Variants in WIPF2 observed in about 807,000 individuals in gnomAD.
The protein encoded by WIPF2 is WAS/WASL-interacting protein family member 2.
In WIPF2, 23 loss-of-function variants were observed where a neutral mutation model predicts 38.8. The observed-to-expected ratio is 0.59, with a 90% confidence interval of 0.43 to 0.84. The LOEUF is 0.84. WIPF2 is among the 40% of genes least tolerant of loss of function. The probability of loss-of-function intolerance (pLI) is 0.00; values close to 1 mark genes in which losing one functional copy is unlikely to be tolerated. For missense variants in WIPF2, 574 were observed against 580.5 expected, an observed-to-expected ratio of 0.99 and a Z score of 0.11; for synonymous variants, 210 against 223.2, an observed-to-expected ratio of 0.94 and a Z score of 0.53.
chr17:40,241,574 T>C (rs565322845), intron 1 of WIPF2, among the ~76,000 whole-genome samples: 1 of 152,138 alleles, frequency 6.6e-6, no homozygotes, highest in Non-Finnish European at 1.5e-5. Context: ...CTAAACCCGC[T>C]CCTGGGATGT....
intron 1 of WIPF2, among the ~76,000 whole-genome samples, chr17:40,256,096 T>TAAAAAAA (rs892748332): frequency 2.1e-5 from 2 of 96,982 alleles, no homozygotes; most frequent in Admixed American, 1.2e-4. Context: ...CCAGGGTCTT[T>TAAAAAAA]AAAAAAAAAA....
At chr17:40,231,301 C>G (rs1291829394) in intron 1 of WIPF2, among the ~76,000 whole-genome samples, 1 of 152,064 alleles carries the variant, frequency 6.6e-6, no homozygotes, top group Non-Finnish European at 1.5e-5. Flanking sequence ...ACACTTGTCT[C>G]CATGTGAAGT....
chr17:40,220,164 G>T (rs1426058884), intron 1 of WIPF2, among the ~76,000 whole-genome samples: 2 of 151,724 alleles, frequency 1.3e-5, no homozygotes, highest in East Asian at 3.9e-4. Flanking sequence ...TGTTTTAAAG[G>T]TGGGGTCTGG....
At chr17:40,227,005 T>G (rs2030520633) in intron 1 of WIPF2, among the ~76,000 whole-genome samples, 1 of 152,132 alleles carries the variant, frequency 6.6e-6, no homozygotes, top group African/African-American at 2.4e-5. Flanking sequence ...CCTCCCAAAG[T>G]GCTGGGATTA....
At chr17:40,276,951 TG>T in intron 6 of WIPF2, 131 bp from the exon 7 acceptor site, 1 of 742,732 alleles carries the variant, frequency 1.3e-6, no homozygotes, top group Admixed American at 2.5e-5. Flanking sequence ...GTGGTTGGTT[TG>T]GTGGGGCAGT....
chr17:40,244,734 A>G (rs1469934028), intron 1 of WIPF2, among the ~76,000 whole-genome samples: 1 of 152,084 alleles, frequency 6.6e-6, no homozygotes, highest in Non-Finnish European at 1.5e-5. Context: ...TGTTCTAGCT[A>G]TCCTGGTCTT....
rs145199047 is a variant in WIPF2 at position 40,267,125 on chromosome 17, C to A, written c.970+1979C>A. On this transcript the variant is annotated intron_variant, in intron 5 of 7. Coordinates refer to ENST00000323571, the MANE Select transcript of WIPF2 (RefSeq NM_133264.5). ...AAGTGTGCTCAGATAGGCAACCACG[C>A]GAAGGGCCCACTTGAGATTATGGGC... Among the ~76,000 whole-genome samples, 611 of 151,980 alleles carry A rather than the reference C, an allele frequency of 4.0e-3. 3 individuals carry two copies. The highest frequency in any genetic ancestry group is 6.9e-3 in the Non-Finnish European group (472 of 67,982).
chr17:40,273,844 C>A lies in WIPF2; in HGVS notation c.1025C>A (p.Pro342His). 1 of 1,588,556 alleles carries A rather than the reference C, an allele frequency of 6.3e-7. No individual in the cohort carries two copies. The highest frequency in any genetic ancestry group is 1.4e-5 in the African/African-American group (1 of 74,050). ...AATGGTGCCAGGGATGCTCCCCCTC[C>A]CCCACCACCATACCGAATGCATGGG... Reference protein sequence around the residue: ...IRNGARDAPPPPPPYRMHGSE... With the variant: ...IRNGARDAPPHPPPYRMHGSE... Residue 342 changes from proline to histidine, a missense_variant, in exon 6 of 8, where the codon CCC becomes CAC. Transcript: ENST00000323571.
At chr17:40,264,114 C>T (rs1227460488) in intron 4 of WIPF2, among the ~76,000 whole-genome samples, 1 of 151,778 alleles carries the variant, frequency 6.6e-6, no homozygotes, top group South Asian at 2.1e-4. Flanking sequence ...GGGCAGATCA[C>T]CTGAGGTTGG....
chr17:40,244,966 C>A (rs2031313742), intron 1 of WIPF2, among the ~76,000 whole-genome samples: 1 of 152,036 alleles, frequency 6.6e-6, no homozygotes, highest in African/African-American at 2.4e-5. Context: ...TGGTTAAATT[C>A]TCCTAGATCC....
At chr17:40,223,166 CAG>C (rs1464376989) in intron 1 of WIPF2, among the ~76,000 whole-genome samples, 1 of 151,542 alleles carries the variant, frequency 6.6e-6, no homozygotes, top group African/African-American at 2.4e-5. Flanking sequence ...TATTTTGAGA[CAG>C]AGTCTTGCTG....
At chr17:40,258,155 T>A (rs971639972) in intron 2 of WIPF2, among the ~76,000 whole-genome samples, 1 of 152,190 alleles carries the variant, frequency 6.6e-6, no homozygotes, top group Non-Finnish European at 1.5e-5. Context: ...CCCAGCACTT[T>A]GGGAGGCCGA....
chr17:40,232,728 C>CTCCTGGT (rs2030801152), intron 1 of WIPF2, among the ~76,000 whole-genome samples: 1 of 150,048 alleles, frequency 6.7e-6, no homozygotes, highest in Non-Finnish European at 1.5e-5. Context: ...CAACCTCTGC[C>CTCCTGGT]TCCTGGTTCA....
chr17:40,253,355 C>A (rs2031620406), intron 1 of WIPF2, among the ~76,000 whole-genome samples: 2 of 152,324 alleles, frequency 1.3e-5, no homozygotes, highest in African/African-American at 4.8e-5. Context: ...AGCCACCGCG[C>A]CCGGCCTATT....
At chr17:40,271,421 T>C (rs2032245633) in intron 5 of WIPF2, among the ~76,000 whole-genome samples, 1 of 152,168 alleles carries the variant, frequency 6.6e-6, no homozygotes, top group South Asian at 2.1e-4. Flanking sequence ...GGAGCATTGC[T>C]TGAGCCCAGG....
intron 1 of WIPF2, among the ~76,000 whole-genome samples, chr17:40,251,902 A>G (rs1429946329): frequency 1.3e-5 from 2 of 152,240 alleles, no homozygotes; most frequent in Admixed American, 1.3e-4. Context: ...CACTGTTGGT[A>G]GTCAACACTA....
intron 1 of WIPF2, chr17:40,220,633 TTTTTTG>T (rs2030186994): frequency 1.5e-5 from 2 of 129,244 alleles, no homozygotes; most frequent in African/African-American, 3.0e-5. Context: ...ATATATATAT[TTTTTTG>T]TTGTTGTTGT....
intron 1 of WIPF2, among the ~76,000 whole-genome samples, chr17:40,230,894 G>A (rs1200327084): frequency 6.6e-6 from 1 of 152,114 alleles, no homozygotes; most frequent in South Asian, 2.1e-4. Flanking sequence ...AGCATGACAC[G>A]TAAGTCTTGT....
intron 1 of WIPF2, among the ~76,000 whole-genome samples, chr17:40,245,154 T>A (rs2031321628): frequency 6.6e-6 from 1 of 152,114 alleles, no homozygotes. Flanking sequence ...AACATTCCAG[T>A]CTATTCCTAT....
Sources: allele counts gnomAD v4.1 joint callset (sites outside exome capture counted in the v4.1 genomes callset), GRCh38; gene constraint gnomAD v4.1.1; transcripts MANE v1.5; gene names NCBI Gene and HGNC (gene_info 2026-07-23, HGNC 2026-07-21).